Variants in CDH23 observed in about 807,000 individuals in gnomAD.
The protein encoded by CDH23 is cadherin related 23, also known as cadherin-23.
A neutral mutation model predicts 317.1 loss-of-function variants in CDH23; 189 were observed. That is an observed-to-expected ratio of 0.60 (90% CI 0.53 to 0.67). The LOEUF is 0.67. Among genes scored for constraint, CDH23 ranks in the 30% least tolerant of loss-of-function variants. The pLI, the probability that CDH23 is intolerant of heterozygous loss-of-function variation, is 0.00. For synonymous variants in CDH23, 1,839 were observed against 1,876.8 expected (o/e 0.98, Z 0.52); for missense variants, 4,401 against 4,592.4 (o/e 0.96, Z 1.20).
intron 28 of CDH23, chr10:71,717,726 G>A (rs1289916350): frequency 6.6e-6 from 1 of 152,230 alleles, no homozygotes; most frequent in Non-Finnish European, 1.5e-5. Flanking sequence ...CCGGAGTGCA[G>A]GCCCAGTGTG....
rs751075414 is a variant in CDH23 at position 71,812,918 on chromosome 10, C to CA, written c.9633+29dup. 8.6e-5 allele frequency: 138 copies of CA among 1,610,476 alleles called. No homozygotes were observed. In the South Asian group the frequency reaches 1.2e-3, roughly 13 times the overall value. ...GAGCCTTCCCTGCAGGCTCCGCGCCCAGTCCCTTGGCTGAGGTTGGACCCC... is the reference window on the plus strand; with the variant it reads ...GAGCCTTCCCTGCAGGCTCCGCGCCCAAGTCCCTTGGCTGAGGTTGGACCCC... On this transcript the variant is annotated intron_variant, in intron 68 of 69. Coordinates refer to ENST00000224721, the MANE Select transcript of CDH23 (RefSeq NM_022124.6).
chr10:71,683,186 C>T (rs1259880589), intron 18 of CDH23, among the ~76,000 whole-genome samples: 1 of 152,154 alleles, frequency 6.6e-6, no homozygotes, highest in African/African-American at 2.4e-5. Flanking sequence ...GGTATGACAG[C>T]GGGACCAATG....
Position 71,758,639 on chromosome 10 carries a change from G to A in CDH23, c.4845+16718G>A, listed in dbSNP as rs553074274. Among the ~76,000 whole-genome samples, 3 of 152,334 alleles carry A rather than the reference G, an allele frequency of 2.0e-5. No individual in the cohort carries two copies. The South Asian group carries it at 6.2e-4, about 32-fold the overall frequency. ...CCAGATCCCAGCTATGCTACCCTGG[G>A]CTATGTGAGCTTGGGCAAGTTAGCA... On this transcript the variant is annotated intron_variant, in intron 38 of 69. Transcript: ENST00000224721.
chr10:71,811,612 C>T (rs1481690936), intron 64 of CDH23, 22 bp downstream of exon 64: 1 of 1,613,798 alleles, frequency 6.2e-7, no homozygotes, highest in Admixed American at 1.7e-5. Flanking sequence ...CCACCCCTGC[C>T]ATCAGGGGGC....
At chr10:71,533,213 C>T (rs1855501969) in intron 6 of CDH23, among the ~76,000 whole-genome samples, 1 of 152,092 alleles carries the variant, frequency 6.6e-6, no homozygotes, top group Admixed American at 6.6e-5. Context: ...TCACAAGACC[C>T]CTTGATTCTC....
chr10:71,459,487 T>C (rs1004391202), intron 3 of CDH23, among the ~76,000 whole-genome samples: 7 of 152,174 alleles, frequency 4.6e-5, no homozygotes, highest in Non-Finnish European at 8.8e-5. Flanking sequence ...TTTTCCCAAC[T>C]AGGTGAGAAG....
At chr10:71,709,049 G>A in intron 26 of CDH23, 49 bp from the exon 27 acceptor site, 5 of 1,558,718 alleles carry the variant, frequency 3.2e-6, no homozygotes, top group South Asian at 1.1e-5. Flanking sequence ...GCTTCCCCTG[G>A]CCGGGAGCTC....
At chr10:71,697,932 T>C (rs1220667081) in intron 22 of CDH23, among the ~76,000 whole-genome samples, 1 of 152,186 alleles carries the variant, frequency 6.6e-6, no homozygotes, top group African/African-American at 2.4e-5. Flanking sequence ...CCCAGGGTAG[T>C]ATTTGAGACC....
At chr10:71,545,414 C>A (rs1488367768) in intron 6 of CDH23, among the ~76,000 whole-genome samples, 2 of 152,168 alleles carry the variant, frequency 1.3e-5, no homozygotes, top group Non-Finnish European at 2.9e-5. Context: ...TTGTCGTCAT[C>A]AATGAGCCTG....
At chr10:71,450,570 G>A (rs1019254626) in intron 3 of CDH23, among the ~76,000 whole-genome samples, 1 of 152,168 alleles carries the variant, frequency 6.6e-6, no homozygotes, top group Non-Finnish European at 1.5e-5. Flanking sequence ...GTCTTGCCCT[G>A]AATCTACTTG....
intron 30 of CDH23, among the ~76,000 whole-genome samples, chr10:71,729,644 CA>C (rs1839288491): frequency 2.0e-5 from 3 of 152,170 alleles, no homozygotes; most frequent in Non-Finnish European, 4.4e-5. Flanking sequence ...AGAAGGTGCA[CA>C]AGTAAAGAGT....
chr10:71,724,635 G>A (rs1866724958), intron 29 of CDH23, among the ~76,000 whole-genome samples: 1 of 152,124 alleles, frequency 6.6e-6, no homozygotes, highest in Non-Finnish European at 1.5e-5. Flanking sequence ...CTGAAGTCCT[G>A]CTGTCCTGCA....
chr10:71,682,032 C>T (rs1286708859), intron 17 of CDH23, among the ~76,000 whole-genome samples: 1 of 151,762 alleles, frequency 6.6e-6, no homozygotes, highest in Admixed American at 6.6e-5. Flanking sequence ...CATAAAGTGC[C>T]AGATGAGTGA....
Position 71,587,368 on chromosome 10 carries a change from G to A in CDH23, c.832+9376G>A, listed in dbSNP as rs185020795. Among the ~76,000 whole-genome samples the A allele has an allele frequency of 3.6e-4, 55 of 152,322 alleles. 1 individual carries two copies. The highest frequency in any genetic ancestry group is 3.4e-3 in the Admixed American group (52 of 15,306). On this transcript the variant is annotated intron_variant, in intron 9 of 69. Coordinates refer to ENST00000224721, the MANE Select transcript of CDH23 (RefSeq NM_022124.6). ...ATTTGTTCATTCATTCATTCAGCTA[G>A]CCAGTGAGTACTTATTGAGTGGCTA...
chr10:71,567,672 A>G (rs940973230), intron 7 of CDH23, among the ~76,000 whole-genome samples: 2 of 152,246 alleles, frequency 1.3e-5, no homozygotes, highest in African/African-American at 2.4e-5. Flanking sequence ...ACATCGCAGC[A>G]TGCCCTTTGT....
chr10:71,739,823 C>A (rs1839685676), intron 36 of CDH23, 51 bp downstream of exon 36: 1 of 1,553,296 alleles, frequency 6.4e-7, no homozygotes, highest in Non-Finnish European at 8.7e-7. Context: ...AGTGCCTAGA[C>A]CGGTCACTAC....
intron 7 of CDH23, among the ~76,000 whole-genome samples, chr10:71,570,201 GAA>G (rs1013788733): frequency 6.6e-6 from 1 of 152,142 alleles, no homozygotes; most frequent in African/African-American, 2.4e-5. Flanking sequence ...GTTGGATTGG[GAA>G]AAGTCACTGA....
Position 71,799,705 on chromosome 10 carries a change from A to G in CDH23, c.7362+76A>G. 3.1e-6 allele frequency: 5 copies of G among 1,594,694 alleles called. No individual in the cohort carries two copies. The South Asian group carries it at 5.5e-5, about 18-fold the overall frequency. Reference sequence around the variant, plus strand: ...CAGAGACTGAGCAGCCACCAAAAGTATTGTAGTAATCCCTCTGGGTCTTGT... The same window carrying G: ...CAGAGACTGAGCAGCCACCAAAAGTGTTGTAGTAATCCCTCTGGGTCTTGT... On this transcript the variant is annotated intron_variant, in intron 52 of 69. Coordinates refer to ENST00000224721, the MANE Select transcript of CDH23 (RefSeq NM_022124.6).
chr10:71,592,890 C>T (rs2394832), intron 9 of CDH23, among the ~76,000 whole-genome samples: 60,643 of 152,036 alleles, frequency 0.4, 12,876 homozygotes, highest in Non-Finnish European at 0.48. Flanking sequence ...TTCTTCGCGC[C>T]GCTCTTGAAA....
Sources: allele counts gnomAD v4.1 joint callset (sites outside exome capture counted in the v4.1 genomes callset), GRCh38; gene constraint gnomAD v4.1.1; transcripts MANE v1.5; gene names NCBI Gene and HGNC (gene_info 2026-07-23, HGNC 2026-07-21).